SAXO1: variants seen among roughly 807,000 people sequenced by gnomAD.
The protein encoded by SAXO1 is 4930500O09Rik.
SAXO1 carries 21 observed loss-of-function variants against 17.5 expected under a neutral mutation model. That is an observed-to-expected ratio of 1.20 (90% CI 0.85 to 1.72). The LOEUF (loss-of-function observed/expected upper bound fraction) is 1.72, where lower values mean the gene tolerates loss of function less well. Ranked by LOEUF, SAXO1 falls within the 40% of genes most tolerant of loss-of-function variation. The probability of loss-of-function intolerance (pLI) is 0.00; values close to 1 mark genes in which losing one functional copy is unlikely to be tolerated. For synonymous variants in SAXO1, 274 were observed against 216.5 expected, an observed-to-expected ratio of 1.27 and a Z score of -2.33; for missense variants, 843 against 596.0, an observed-to-expected ratio of 1.41 and a Z score of -4.32.
intron 1 of SAXO1, among the ~76,000 whole-genome samples, chr9:18,999,433 G>T (rs1248938241): frequency 6.6e-6 from 1 of 152,118 alleles, no homozygotes; most frequent in South Asian, 2.1e-4. Context: ...GGGAAGTGAG[G>T]AGCGCCTCCA....
chr9:18,962,073 T>C (rs1832509651), intron 1 of SAXO1, among the ~76,000 whole-genome samples: 1 of 152,142 alleles, frequency 6.6e-6, no homozygotes, highest in South Asian at 2.1e-4. Context: ...TTAGTTTTTC[T>C]TTTTCTTTCT....
intron 1 of SAXO1, among the ~76,000 whole-genome samples, chr9:18,951,603 C>T (rs1319159237): frequency 3.3e-5 from 5 of 152,300 alleles, no homozygotes; most frequent in African/African-American, 1.2e-4. Flanking sequence ...ATCCACCTCG[C>T]CGTCGTATCC....
intron 1 of SAXO1, chr9:19,027,671 C>T: frequency 7.3e-7 from 1 of 1,361,400 alleles, no homozygotes; most frequent in African/African-American, 1.4e-5. Context: ...GGAGAAAGCG[C>T]CCTCCATCAT....
intron 1 of SAXO1, among the ~76,000 whole-genome samples, chr9:19,021,160 G>A (rs1054520159): frequency 2.6e-5 from 4 of 152,182 alleles, no homozygotes; most frequent in African/African-American, 9.6e-5. Context: ...AGAGCCACCT[G>A]TCACAGGCTG....
intron 1 of SAXO1, among the ~76,000 whole-genome samples, chr9:19,015,035 C>T (rs558542394): frequency 6.6e-6 from 1 of 152,126 alleles, no homozygotes; most frequent in Non-Finnish European, 1.5e-5. Context: ...AGAGAGAGTA[C>T]TTCTGCTGAT....
In SAXO1 at chr9:18,971,873, G is replaced by A. The variant is rs150444442; in HGVS notation, c.39-20936C>T. Among the ~76,000 whole-genome samples the A allele has an allele frequency of 8.7e-3, 1,329 of 152,156 alleles. 11 individuals are homozygous for A. Among genetic ancestry groups the A allele is most frequent in the Middle Eastern group, 0.048 (14 of 294 alleles). On this transcript the variant is annotated intron_variant, in intron 1 of 3. Coordinates refer to ENST00000380534, the MANE Select transcript of SAXO1 (RefSeq NM_153707.4). ...GTAAAACCCACTCCAATAAAATATA[G>A]CACTGTAAAATGTTAAAGGTAACCC... is the stretch of plus-strand genomic sequence containing the variant.
At chr9:18,987,129 AG>A (rs1833623682) in intron 1 of SAXO1, among the ~76,000 whole-genome samples, 1 of 152,226 alleles carries the variant, frequency 6.6e-6, no homozygotes, top group Non-Finnish European at 1.5e-5. Context: ...AGTGATTGTC[AG>A]GCACAGTCCT....
intron 1 of SAXO1, among the ~76,000 whole-genome samples, chr9:18,997,145 C>G (rs575843145): frequency 3.9e-5 from 6 of 152,338 alleles, no homozygotes; most frequent in Non-Finnish European, 8.8e-5. Context: ...CAGGGCATTG[C>G]CTCACCCAGG....
chr9:19,014,450 A>G (rs549826684), intron 1 of SAXO1, among the ~76,000 whole-genome samples: 4,919 of 117,966 alleles, frequency 0.042, 121 homozygotes, highest in Non-Finnish European at 0.061. Context: ...AACAGAGCGA[A>G]ACTGTGTCTC....
chr9:19,044,763 T>C (rs1441254794), intron 1 of SAXO1, among the ~76,000 whole-genome samples: 1 of 151,414 alleles, frequency 6.6e-6, no homozygotes, highest in Non-Finnish European at 1.5e-5. Context: ...CTTGGGAGGC[T>C]GAGGCAGGAG....
At chr9:19,023,909 T>C (rs1460348164) in intron 1 of SAXO1, among the ~76,000 whole-genome samples, 7 of 144,978 alleles carry the variant, frequency 4.8e-5, no homozygotes, top group Non-Finnish European at 1.0e-4. Context: ...GAGTCCGAGG[T>C]GGGAAGATTG....
intron 1 of SAXO1, among the ~76,000 whole-genome samples, chr9:19,005,720 A>G (rs966770657): frequency 6.6e-6 from 1 of 152,232 alleles, no homozygotes; most frequent in African/African-American, 2.4e-5. Context: ...GGATTTGGCA[A>G]TGATTTCTTG....
At chr9:18,967,784 T>A (rs536751844) in intron 1 of SAXO1, among the ~76,000 whole-genome samples, 1 of 142,670 alleles carries the variant, frequency 7.0e-6, no homozygotes, top group Non-Finnish European at 1.5e-5. Flanking sequence ...CCGGGCACCA[T>A]TGGGGTATGA....
intron 1 of SAXO1, among the ~76,000 whole-genome samples, chr9:19,015,015 C>G (rs1481791546): frequency 2.6e-5 from 4 of 152,028 alleles, no homozygotes; most frequent in Non-Finnish European, 5.9e-5. Context: ...CAAATCAGAG[C>G]TAAAAAACGA....
Position 18,973,119 on chromosome 9 carries a change from CAAGT to C in SAXO1, c.39-22186_39-22183del, listed in dbSNP as rs1195328031. Among the ~76,000 whole-genome samples the C allele has an allele frequency of 3.3e-5, 5 of 152,338 alleles. No homozygotes were observed. The East Asian group carries it at 9.6e-4, about 29-fold the overall frequency. The stretch of plus-strand genomic sequence containing the variant: ...GAGAAATCAGGTTGGGAAAGTAGTT[CAAGT>C]GACCACCCAACAGAATCTGTTCTCA... On this transcript the variant is annotated intron_variant, in intron 1 of 3. Coordinates refer to ENST00000380534, the MANE Select transcript of SAXO1 (RefSeq NM_153707.4).
chr9:18,948,701 G>A (rs10116604), intron 2 of SAXO1, among the ~76,000 whole-genome samples: 11,288 of 152,076 alleles, frequency 0.074, 579 homozygotes, highest in African/African-American at 0.15. Context: ...CAGGTCTTCC[G>A]CCCCAGACCA....
intron 1 of SAXO1, among the ~76,000 whole-genome samples, chr9:18,980,571 G>A (rs1833341229): frequency 6.6e-6 from 1 of 150,886 alleles, no homozygotes; most frequent in South Asian, 2.1e-4. Flanking sequence ...AGAGGAGGAG[G>A]AGGAGGAGGA....
intron 1 of SAXO1, among the ~76,000 whole-genome samples, chr9:18,962,769 T>C (rs1052372762): frequency 6.6e-6 from 1 of 152,256 alleles, no homozygotes; most frequent in Non-Finnish European, 1.5e-5. Flanking sequence ...TTCACTCTAA[T>C]GATAGTTTCT....
chr9:19,000,787 C>T (rs1834234041), intron 1 of SAXO1, among the ~76,000 whole-genome samples: 1 of 152,170 alleles, frequency 6.6e-6, no homozygotes, highest in Non-Finnish European at 1.5e-5. Flanking sequence ...GGGTTGCAAT[C>T]CTGGTCTCTG....
Sources: gnomAD v4.1 joint callset for allele counts (sites outside exome capture counted in the v4.1 genomes callset) on GRCh38, gnomAD v4.1.1 for gene constraint, MANE v1.5 for transcripts, NCBI Gene and HGNC (gene_info 2026-07-23, HGNC 2026-07-21) for gene names.